DHX15: variants seen among roughly 807,000 people sequenced by gnomAD.
DHX15 encodes ATP-dependent RNA helicase DHX15.
Under a neutral mutation model 94.4 loss-of-function variants are expected in DHX15, and 11 were observed. The ratio of observed to expected loss-of-function variants is 0.12; its 90% CI spans 0.07 to 0.19. DHX15 has a LOEUF of 0.19. Ranked by LOEUF, DHX15 falls within the 10% of genes least tolerant of loss-of-function variation. DHX15 has a pLI of 1.00. For missense variants in DHX15, 304 were observed against 988.5 expected, an observed-to-expected ratio of 0.31 and a Z score of 9.29; for synonymous variants, 338 against 329.9, an observed-to-expected ratio of 1.02 and a Z score of -0.27.
chr4:24,547,893 G>GTATATATATATATA (rs1403248233), intron 6 of DHX15, among the ~76,000 whole-genome samples: 1 of 66,736 alleles, frequency 1.5e-5, no homozygotes, highest in Non-Finnish European at 3.3e-5. Flanking sequence ...CTCTCTCTAT[G>GTATATATATATATA]TATGTATGTG....
intron 6 of DHX15, among the ~76,000 whole-genome samples, chr4:24,544,945 CA>C (rs1287369100): frequency 6.6e-6 from 1 of 151,958 alleles, no homozygotes; most frequent in African/African-American, 2.4e-5. Flanking sequence ...CCCACCTCTA[CA>C]AAAAAATAAA....
intron 6 of DHX15, among the ~76,000 whole-genome samples, chr4:24,546,508 A>G (rs577169162): frequency 6.6e-6 from 1 of 152,390 alleles, no homozygotes; most frequent in African/African-American, 2.4e-5. Flanking sequence ...GAATGCATGT[A>G]AAGAATTACT....
chr4:24,530,086 A>G lies in DHX15; in HGVS notation c.2101-316T>C, dbSNP rs1212683774. 9 of 398,186 alleles carry G rather than the reference A, an allele frequency of 2.3e-5. No homozygotes were observed. In the East Asian group the frequency reaches 4.1e-4, roughly 18 times the overall value. 24.7% of individuals were successfully genotyped at this position (398,186 alleles called of 1,614,324 possible). On this transcript the variant is annotated intron_variant, in intron 12 of 13. Transcript: ENST00000336812. ...AATTCAAACTTCAGTATCCATAAGG[A>G]AAGTTTTATTAGAACACAGGCATGC...
chr4:24,570,287 A>G (rs7679057), intron 3 of DHX15, among the ~76,000 whole-genome samples: 35,214 of 152,090 alleles, frequency 0.23, 5,139 homozygotes, highest in Non-Finnish European at 0.33. Context: ...ATCCCATCCT[A>G]TACATTCTTC....
At chr4:24,539,880 CAA>C (rs1369469113) in intron 10 of DHX15, 3 of 332,870 alleles carry the variant, frequency 9.0e-6, no homozygotes, top group South Asian at 2.4e-4. Context: ...TATTAGCACT[CAA>C]GAGAGCCAAT....
At chr4:24,539,169 G>A (rs774356342) in intron 10 of DHX15, 7 of 149,538 alleles carry the variant, frequency 4.7e-5, no homozygotes, top group Non-Finnish European at 7.4e-5. Context: ...TATACCATAC[G>A]TCTAAACTAA....
chr4:24,539,982 AAATT>A, intron 10 of DHX15, 122 bp downstream of exon 10: 2 of 641,798 alleles, frequency 3.1e-6, no homozygotes, highest in Non-Finnish European at 4.9e-6. Flanking sequence ...TTAGAAAACA[AAATT>A]AATTCCTTAA....
chr4:24,556,145 T>C (rs1314733072), intron 4 of DHX15, 106 bp downstream of exon 4: 2 of 896,172 alleles, frequency 2.2e-6, no homozygotes, highest in East Asian at 5.3e-5. Context: ...TAGTTCCTTC[T>C]TTTACAGGTG....
intron 7 of DHX15, 91 bp from the exon 8 acceptor site, chr4:24,542,113 AAAAT>A (rs958792911): frequency 1.1e-5 from 12 of 1,093,236 alleles, no homozygotes; most frequent in Admixed American, 5.1e-5. Flanking sequence ...AGTTAATTCC[AAAAT>A]AAATAAAGAA....
At chr4:24,557,273 C>T (rs1721759792) in intron 3 of DHX15, among the ~76,000 whole-genome samples, 1 of 152,162 alleles carries the variant, frequency 6.6e-6, no homozygotes, top group Non-Finnish European at 1.5e-5. Flanking sequence ...CCTTTTGGCA[C>T]CTGGACAAAA....
intron 12 of DHX15, chr4:24,530,691 A>C (rs1721063155): frequency 6.6e-6 from 1 of 152,110 alleles, no homozygotes; most frequent in South Asian, 2.1e-4. Flanking sequence ...GGAAAAAAAA[A>C]AGAGCTTGCA....
chr4:24,571,383 G>T (rs1483166730), intron 2 of DHX15, among the ~76,000 whole-genome samples: 3 of 152,146 alleles, frequency 2.0e-5, no homozygotes, highest in African/African-American at 7.2e-5. Context: ...AGCACCTTAG[G>T]TACCATCTTA....
chr4:24,530,725 T>G (rs902325177), intron 12 of DHX15: 2 of 152,170 alleles, frequency 1.3e-5, no homozygotes, highest in African/African-American at 4.8e-5. Flanking sequence ...CATTTCTTTT[T>G]TTGGTAACAC....
At chr4:24,563,809 T>C (rs1721936083) in intron 3 of DHX15, among the ~76,000 whole-genome samples, 1 of 152,088 alleles carries the variant, frequency 6.6e-6, no homozygotes, top group Admixed American at 6.5e-5. Flanking sequence ...CTCACGCCTG[T>C]AATCCCAGCA....
intron 5 of DHX15, 115 bp from the exon 6 acceptor site, chr4:24,549,137 A>C (rs1721530224): frequency 1.2e-6 from 1 of 811,188 alleles, no homozygotes; most frequent in South Asian, 3.7e-5. Context: ...CTTCATGGAT[A>C]CCCTGTTTTC....
chr4:24,559,776 C>T (rs998689376), intron 3 of DHX15, among the ~76,000 whole-genome samples: 7 of 152,112 alleles, frequency 4.6e-5, no homozygotes, highest in African/African-American at 1.7e-4. Flanking sequence ...GTAAGAACTA[C>T]AAAACTTGAG....
chr4:24,534,022 C>T (rs1276954869), intron 11 of DHX15: 1 of 152,100 alleles, frequency 6.6e-6, no homozygotes. Context: ...TATATAAGTA[C>T]ATTTTTATCC....
intron 1 of DHX15, among the ~76,000 whole-genome samples, chr4:24,577,771 A>G (rs1335214514): frequency 1.3e-5 from 2 of 152,108 alleles, no homozygotes; most frequent in Non-Finnish European, 2.9e-5. Flanking sequence ...AGCCTCTGGG[A>G]GACTGGTGGT....
In DHX15 at chr4:24,548,850, G is replaced by T; in HGVS notation, c.1248+5C>A. 3 of 1,608,694 alleles carry T rather than the reference G, an allele frequency of 1.9e-6. No homozygotes were observed. Among genetic ancestry groups the T allele is most frequent in the Non-Finnish European group, 2.5e-6 (3 of 1,177,686 alleles). On this transcript the variant is annotated splice_donor_5th_base_variant and intron_variant, in intron 6 of 13. Coordinates refer to ENST00000336812, the MANE Select transcript of DHX15 (RefSeq NM_001358.3). ...AATATTTATAAAGAGCATTTCTAAT[G>T]TTACCTTTCTTCCAATTGCTCCATT...
Sources: allele counts gnomAD v4.1 joint callset (sites outside exome capture counted in the v4.1 genomes callset), GRCh38; gene constraint gnomAD v4.1.1; transcripts MANE v1.5; gene names NCBI Gene and HGNC (gene_info 2026-07-23, HGNC 2026-07-21).